RAD54L2: variants seen among roughly 807,000 people sequenced by gnomAD.
RAD54L2 encodes RAD54 like 2, also known as helicase ARIP4.
Under a neutral mutation model 138.4 loss-of-function variants are expected in RAD54L2, and 27 were observed. The ratio of observed to expected loss-of-function variants is 0.20; its 90% CI spans 0.14 to 0.27. The LOEUF is 0.27. Ranked by LOEUF, RAD54L2 falls within the 10% of genes least tolerant of loss-of-function variation. The pLI is 1.00. For synonymous variants in RAD54L2, 644 were observed against 723.2 expected (o/e 0.89, Z 1.76); for missense variants, 1,396 against 1,890.2 (o/e 0.74, Z 4.85).
At chr3:51,607,978 C>T (rs1344112771) in intron 3 of RAD54L2, among the ~76,000 whole-genome samples, 3 of 147,250 alleles carry the variant, frequency 2.0e-5, no homozygotes, top group Admixed American at 6.7e-5. Flanking sequence ...GGGCTGCCCC[C>T]CACCTCCCGG....
At chr3:51,568,798 G>T (rs971309477) in intron 2 of RAD54L2, among the ~76,000 whole-genome samples, 6 of 152,112 alleles carry the variant, frequency 3.9e-5, no homozygotes, top group African/African-American at 1.4e-4. Context: ...TTTCCTGGTG[G>T]GGAATGTAGT....
intron 2 of RAD54L2, among the ~76,000 whole-genome samples, chr3:51,543,608 CAAAAAAA>C (rs1169502388): frequency 8.9e-4 from 54 of 60,506 alleles, no homozygotes; most frequent in Non-Finnish European, 1.6e-3. Flanking sequence ...AACTCCATCT[CAAAAAAA>C]AAAAAAAAAA....
chr3:51,559,739 A>G (rs1699055652), intron 2 of RAD54L2, among the ~76,000 whole-genome samples: 1 of 152,220 alleles, frequency 6.6e-6, no homozygotes, highest in South Asian at 2.1e-4. Context: ...TAGGAACCAG[A>G]TAGTACATAT....
At position 51,655,992 on chromosome 3, in the gene RAD54L2, T is replaced by C. The variant is rs982864299; in HGVS notation, c.3048T>C (p.Asp1016=). The change falls in exon 20 of 23, where the codon GAT becomes GAC. Residue 1016 remains aspartate (D), a synonymous_variant. Coordinates refer to ENST00000684192, the MANE Select transcript of RAD54L2 (RefSeq NM_015106.4). The part of the protein sequence containing the change: ...QRNWQPTLKG[D]EKPVASVRPV... ...ACAGGCAGCCAACTTTGAAGGGTGA[T>C]GAAAAGCCTGTGGCCAGTGTTCGTC... The C allele has an allele frequency of 3.1e-6, 5 of 1,605,368 alleles. No individual in the cohort carries two copies. The highest frequency in any genetic ancestry group is 2.2e-5 in the East Asian group (1 of 44,684).
chr3:51,586,867 C>T lies in RAD54L2; in HGVS notation c.-54-3500C>T, dbSNP rs1229514226. Among the ~76,000 whole-genome samples, 3 of 151,948 alleles carry T rather than the reference C, an allele frequency of 2.0e-5. No individual in the cohort carries two copies. In the East Asian group the frequency reaches 5.8e-4, roughly 29 times the overall value. Reference sequence around the variant, plus strand: ...TACAGATGTGAGCCACCATGCCTGGCCAAAACACTCTTATCTCAAGGAGTC... The same window carrying T: ...TACAGATGTGAGCCACCATGCCTGGTCAAAACACTCTTATCTCAAGGAGTC... On this transcript the variant is annotated intron_variant, in intron 2 of 22. Coordinates refer to ENST00000684192, the MANE Select transcript of RAD54L2 (RefSeq NM_015106.4).
At chr3:51,633,447 T>C (rs2106802390) in intron 7 of RAD54L2, 130 bp from the exon 8 acceptor site, 2 of 868,572 alleles carry the variant, frequency 2.3e-6, no homozygotes, top group East Asian at 5.0e-5. Context: ...GAATCTTCTA[T>C]GGCCATCCAC....
Position 51,665,540 on chromosome 3 carries a change from A to T in RAD54L2, c.*2120A>T, listed in dbSNP as rs1435492083. On this transcript the variant is annotated 3_prime_UTR_variant, in exon 23 of 23. Transcript: ENST00000684192. The stretch of plus-strand genomic sequence containing the variant: ...TGCCAGACACTTAACTCTTCTACTC[A>T]TGGAAGCCTTAGATCTACAATTTAG... The T allele has an allele frequency of 1.3e-5, 2 of 152,194 alleles. No homozygotes were observed. Among genetic ancestry groups the T allele is most frequent in the African/African-American group, 4.8e-5 (2 of 41,442 alleles). The allele number at this position is 152,194 out of a possible 1,614,324, so 9.4% of individuals were successfully genotyped here.
At chr3:51,570,316 G>A (rs1361633182) in intron 2 of RAD54L2, among the ~76,000 whole-genome samples, 2 of 150,372 alleles carry the variant, frequency 1.3e-5, no homozygotes, top group East Asian at 3.9e-4. Flanking sequence ...GCTAACTTTT[G>A]TATTTTTAGT....
rs746027858 is a variant in RAD54L2 at position 51,662,461 on chromosome 3, G to T, written c.3445G>T (p.Gly1149Cys). ...QGPSCESTSNGRHSASSPKAP... is the reference protein window; with the variant it reads ...QGPSCESTSNCRHSASSPKAP... ...ACCTTCTTGCGAGTCCACAAGCAAC[G>T]GCAGACACAGTGCCTCATCACCCAA... Residue 1149 changes from glycine (G) to cysteine (C), a missense_variant, in exon 23 of 23, where the codon GGC becomes TGC. Around this residue, in one of 7 missense-constraint regions of RAD54L2, gnomAD observed 634 missense variants for 711.2 expected, o/e 0.89. Coordinates refer to ENST00000684192, the MANE Select transcript of RAD54L2 (RefSeq NM_015106.4). This position sits in a 1 kb window ranked among gnomAD's most constrained non-coding sequence, Gnocchi z 4.6. The T allele has an allele frequency of 1.8e-5, 28 of 1,556,258 alleles. No individual in the cohort carries two copies. The highest frequency in any genetic ancestry group is 1.6e-4 in the Admixed American group (8 of 49,852).
intron 3 of RAD54L2, among the ~76,000 whole-genome samples, chr3:51,617,296 C>T (rs1474290448): frequency 6.6e-6 from 1 of 152,054 alleles, no homozygotes; most frequent in African/African-American, 2.4e-5. Flanking sequence ...TAAGAAACTG[C>T]CAAAGTGTTT....
chr3:51,599,865 G>T (rs780330971), intron 3 of RAD54L2, among the ~76,000 whole-genome samples: 1 of 151,898 alleles, frequency 6.6e-6, no homozygotes, highest in South Asian at 2.1e-4. Flanking sequence ...TGATCCACCC[G>T]CCTCAGCCTC....
rs1700911193 is a variant in RAD54L2 at position 51,633,882 on chromosome 3, T to C, written c.1009-20T>C. The stretch of plus-strand genomic sequence containing the variant: ...AGTTTGTTCCATAAAACTCTCTTTT[T>C]GGACTTGGCTTTCTAATAGGTTAAT... On this transcript the variant is annotated intron_variant, in intron 8 of 22. Transcript: ENST00000684192. 2 of 1,609,216 alleles carry C rather than the reference T, an allele frequency of 1.2e-6. No homozygotes were observed. The highest frequency in any genetic ancestry group is 8.5e-7 in the Non-Finnish European group (1 of 1,177,740).
rs1408577882 is a variant in RAD54L2, at chr3:51,636,565, G to C, written c.1340-596G>C. Among the ~76,000 whole-genome samples the C allele has an allele frequency of 3.3e-5, 5 of 152,170 alleles. No individual in the cohort carries two copies. In the East Asian group the frequency reaches 9.6e-4, roughly 29 times the overall value. ...ATTTTTAATCCTAGGCTGGCACTCT[G>C]TAAGGTCCCTCTCTCTGCTGCCCAG... On this transcript the variant is annotated intron_variant, in intron 10 of 22. Transcript: ENST00000684192.
intron 3 of RAD54L2, among the ~76,000 whole-genome samples, chr3:51,600,019 C>T (rs1700046945): frequency 6.6e-6 from 1 of 152,008 alleles, no homozygotes; most frequent in East Asian, 1.9e-4. Context: ...ACCTCCACCT[C>T]CTGGGTTCCA....
At chr3:51,588,464 G>A (rs1039091205) in intron 2 of RAD54L2, among the ~76,000 whole-genome samples, 3 of 150,488 alleles carry the variant, frequency 2.0e-5, no homozygotes, top group African/African-American at 7.3e-5. Context: ...GAACCCAGGA[G>A]GTGGAGGTTG....
At chr3:51,591,671 A>G (rs1410792340) in intron 3 of RAD54L2, among the ~76,000 whole-genome samples, 1 of 152,214 alleles carries the variant, frequency 6.6e-6, no homozygotes, top group Non-Finnish European at 1.5e-5. Context: ...ATTTCTAGAA[A>G]GTAGAATGAA....
chr3:51,564,752 G>C (rs1055235161), intron 2 of RAD54L2, among the ~76,000 whole-genome samples: 10 of 152,038 alleles, frequency 6.6e-5, no homozygotes, highest in Admixed American at 6.6e-4. Context: ...CCACATCTCT[G>C]TTTATTTTTT....
At chr3:51,557,830 C>CAAAA (rs1166273906) in intron 2 of RAD54L2, among the ~76,000 whole-genome samples, 3 of 32,206 alleles carry the variant, frequency 9.3e-5, no homozygotes, top group Non-Finnish European at 2.1e-4. Flanking sequence ...AACTCCATCT[C>CAAAA]AAAAAAAAAA....
At chr3:51,626,082 G>A (rs1700671677) in intron 3 of RAD54L2, among the ~76,000 whole-genome samples, 1 of 151,348 alleles carries the variant, frequency 6.6e-6, no homozygotes, top group Non-Finnish European at 1.5e-5. Flanking sequence ...CAACCCCGCC[G>A]ACCCCACCAA....
Sources: gnomAD v4.1 joint callset for allele counts (sites outside exome capture counted in the v4.1 genomes callset) on GRCh38, gnomAD v4.1.1 for gene constraint, gnomAD v4.1.1 regional missense constraint, Gnocchi (gnomAD v3.1) non-coding constraint, MANE v1.5 for transcripts, NCBI Gene and HGNC (gene_info 2026-07-23, HGNC 2026-07-21) for gene names.